Variants in MARCHF10 observed in about 807,000 individuals in gnomAD.
MARCHF10 encodes membrane associated ring-CH-type finger 10, also known as probable E3 ubiquitin-protein ligase MARCHF10.
In MARCHF10, 64 loss-of-function variants were observed where a neutral mutation model predicts 76.2. The ratio of observed to expected loss-of-function variants is 0.84; its 90% CI spans 0.69 to 1.03. The LOEUF (loss-of-function observed/expected upper bound fraction) is 1.03. MARCHF10 is among the 50% of genes least tolerant of loss of function. MARCHF10 has a pLI of 0.00. For synonymous variants in MARCHF10, 340 were observed against 357.5 expected (o/e 0.95, Z 0.55); for missense variants, 875 against 958.0 (o/e 0.91, Z 1.14).
At chr17:62,732,992 C>CAA (rs398041783) in intron 6 of MARCHF10, among the ~76,000 whole-genome samples, 16,920 of 66,304 alleles carry the variant, frequency 0.26, 2,441 homozygotes, top group Non-Finnish European at 0.36. Context: ...GACTCAGTCT[C>CAA]AAAAAAAAAA....
intron 6 of MARCHF10, among the ~76,000 whole-genome samples, chr17:62,732,992 C>CAAAAAAAAAAAAAA (rs398041783): frequency 3.0e-5 from 2 of 66,542 alleles, no homozygotes; most frequent in Non-Finnish European, 5.9e-5. Context: ...GACTCAGTCT[C>CAAAAAAAAAAAAAA]AAAAAAAAAA....
rs147050509 is a variant in MARCHF10 at position 62,733,254 on chromosome 17, T to C, written c.1937+2677A>G. On this transcript the variant is annotated intron_variant, in intron 6 of 10. Coordinates refer to ENST00000311269, the MANE Select transcript of MARCHF10 (RefSeq NM_152598.4). ...TGGGAGGATTGCTTGAGGCCAAAAG[T>C]TTGAGACCAGCCTGGGCAACGTAGT... Among the ~76,000 whole-genome samples the C allele has an allele frequency of 8.0e-4, 121 of 152,088 alleles. 1 individual carries two copies. In the East Asian group the frequency reaches 0.022, roughly 28 times the overall value.
intron 8 of MARCHF10, among the ~76,000 whole-genome samples, chr17:62,715,896 G>A (rs2147641069): frequency 6.6e-6 from 1 of 152,260 alleles, no homozygotes; most frequent in Non-Finnish European, 1.5e-5. Context: ...GTAGGAAAAC[G>A]TGCTCTGACG....
intron 10 of MARCHF10, chr17:62,704,980 G>C (rs1229801998): frequency 7.1e-6 from 7 of 979,522 alleles, no homozygotes; most frequent in Non-Finnish European, 8.5e-6. Context: ...AAGGAACAGG[G>C]AGAAGGCTTT....
intron 3 of MARCHF10, among the ~76,000 whole-genome samples, chr17:62,765,501 G>A (rs1369578552): frequency 2.0e-5 from 3 of 152,140 alleles, no homozygotes; most frequent in Admixed American, 2.0e-4. Context: ...AGTCCAGCAA[G>A]TTGAAACGAC....
intron 4 of MARCHF10, among the ~76,000 whole-genome samples, chr17:62,756,265 CAAAACAAAACA>C (rs775428805): frequency 1.1e-3 from 169 of 151,956 alleles, no homozygotes; most frequent in Middle Eastern, 3.4e-3. Context: ...ACAACAACAA[CAAAACAAAACA>C]AAAACAAAAC....
At chr17:62,779,774 G>C (rs780782094) in intron 3 of MARCHF10, among the ~76,000 whole-genome samples, 12 of 152,240 alleles carry the variant, frequency 7.9e-5, no homozygotes, top group Non-Finnish European at 1.6e-4. Context: ...TGCAGTGACA[G>C]AAGTGTCCTA....
At chr17:62,710,777 C>T (rs2089889039) in intron 9 of MARCHF10, among the ~76,000 whole-genome samples, 1 of 151,978 alleles carries the variant, frequency 6.6e-6, no homozygotes, top group Non-Finnish European at 1.5e-5. Context: ...GCCAGGTTGG[C>T]CTCAAATTCC....
At chr17:62,770,337 C>T (rs910550986) in intron 3 of MARCHF10, among the ~76,000 whole-genome samples, 3 of 152,088 alleles carry the variant, frequency 2.0e-5, no homozygotes, top group Non-Finnish European at 4.4e-5. Flanking sequence ...CATACATATA[C>T]ATGTGTCTTT....
At chr17:62,759,141 T>G (rs1373952228) in intron 4 of MARCHF10, among the ~76,000 whole-genome samples, 1 of 152,248 alleles carries the variant, frequency 6.6e-6, no homozygotes, top group Non-Finnish European at 1.5e-5. Flanking sequence ...TTACTTTCTC[T>G]CTTGGCTATA....
At chr17:62,723,645 C>T (rs2090610916) in intron 7 of MARCHF10, among the ~76,000 whole-genome samples, 1 of 146,304 alleles carries the variant, frequency 6.8e-6, no homozygotes, top group African/African-American at 2.6e-5. Flanking sequence ...TCCTACTGAA[C>T]ACACCCATAC....
intron 9 of MARCHF10, among the ~76,000 whole-genome samples, chr17:62,710,449 C>T (rs1166455198): frequency 6.6e-6 from 1 of 151,496 alleles, no homozygotes; most frequent in African/African-American, 2.4e-5. Flanking sequence ...CTTGGCAGAG[C>T]CCCAGCCTGT....
intron 2 of MARCHF10, among the ~76,000 whole-genome samples, chr17:62,799,041 G>A (rs183392076): frequency 4.6e-5 from 7 of 152,312 alleles, no homozygotes; most frequent in Admixed American, 1.3e-4. Context: ...TGTGAAACCC[G>A]GCAGGGAGTT....
chr17:62,711,299 G>A lies in MARCHF10; in HGVS notation c.2260C>T (p.Leu754Phe). The change falls in exon 9 of 11, where the codon CTT (leucine) becomes TTT (phenylalanine). Residue 754 changes from leucine (L) to phenylalanine (F), a missense_variant. Leu to Phe is a conservative substitution (Grantham distance 22). Coordinates refer to ENST00000311269, the MANE Select transcript of MARCHF10 (RefSeq NM_152598.4). The surrounding 1 kb of genome is among the most constrained non-coding windows in gnomAD (Gnocchi z 4.4). ...MNSGLYLVLL[L>F]HLYEQRFAEL... ...GCAAACCTCTGCTCATAGAGGTGAA[G>A]CAGCAGCACCAGGTACAAGCCTGAA... 1.2e-6 allele frequency: 2 copies of A among 1,614,164 alleles called. No individual in the cohort carries two copies. Among genetic ancestry groups the A allele is most frequent in the African/African-American group, 2.7e-5 (2 of 75,064 alleles).
intron 3 of MARCHF10, among the ~76,000 whole-genome samples, chr17:62,773,062 T>C (rs1345889636): frequency 3.9e-5 from 6 of 152,194 alleles, no homozygotes; most frequent in African/African-American, 1.4e-4. Context: ...GAGTTCACCA[T>C]GCGGCCAAAG....
At chr17:62,720,835 G>C (rs1371592096) in intron 8 of MARCHF10, among the ~76,000 whole-genome samples, 1 of 151,196 alleles carries the variant, frequency 6.6e-6, no homozygotes, top group Non-Finnish European at 1.5e-5. Flanking sequence ...TTTCTGCTCA[G>C]GAGTCTCTGC....
chr17:62,753,592 C>T (rs1599231075), intron 4 of MARCHF10, among the ~76,000 whole-genome samples: 1 of 152,200 alleles, frequency 6.6e-6, no homozygotes, highest in Non-Finnish European at 1.5e-5. Flanking sequence ...TTATCTGTAG[C>T]TCCTCGATAT....
At chr17:62,759,603 C>T (rs749857540) in intron 4 of MARCHF10, among the ~76,000 whole-genome samples, 3 of 152,050 alleles carry the variant, frequency 2.0e-5, no homozygotes, top group Admixed American at 6.6e-5. Context: ...CTCAGCCTCC[C>T]GAGTAGCTGG....
chr17:62,791,311 C>G (rs891477674), intron 2 of MARCHF10, among the ~76,000 whole-genome samples: 1 of 152,140 alleles, frequency 6.6e-6, no homozygotes, highest in Non-Finnish European at 1.5e-5. Flanking sequence ...ATGTCTGTGC[C>G]GTCCTAACCT....
Sources: gnomAD v4.1 joint callset for allele counts (sites outside exome capture counted in the v4.1 genomes callset) on GRCh38, gnomAD v4.1.1 for gene constraint, Gnocchi (gnomAD v3.1) non-coding constraint, MANE v1.5 for transcripts, NCBI Gene and HGNC (gene_info 2026-07-23, HGNC 2026-07-21) for gene names.